Variants in KCNIP4 observed in about 807,000 individuals in gnomAD.
KCNIP4 encodes the protein potassium voltage-gated channel interacting protein 4.
In KCNIP4, 12 loss-of-function variants were observed where a neutral mutation model predicts 34.0. The observed-to-expected ratio is 0.35, with a 90% CI of 0.23 to 0.57. KCNIP4 has a LOEUF of 0.57. Ranked by LOEUF, KCNIP4 falls within the 20% of genes least tolerant of loss-of-function variation. KCNIP4 has a pLI of 0.83. For missense variants in KCNIP4, 238 were observed against 311.7 expected (o/e 0.76, Z 1.78); for synonymous variants, 124 against 102.2 (o/e 1.21, Z -1.29).
intron 1 of KCNIP4, 34 bp downstream of exon 1, chr4:21,948,537 G>A: frequency 6.2e-7 from 1 of 1,601,092 alleles, no homozygotes; most frequent in Admixed American, 1.7e-5. Context: ...GAGGGCGGAA[G>A]CGGGCGCCCG....
chr4:21,125,448 C>T (rs1394886229), intron 1 of KCNIP4, among the ~76,000 whole-genome samples: 1 of 151,996 alleles, frequency 6.6e-6, no homozygotes, highest in African/African-American at 2.4e-5. Flanking sequence ...AACTCCTGAC[C>T]TCGTGATCTG....
intron 1 of KCNIP4, among the ~76,000 whole-genome samples, chr4:21,773,870 T>C (rs77279652): frequency 0.15 from 22,381 of 151,734 alleles, 5,577 homozygotes; most frequent in African/African-American, 0.51. Context: ...TACAGTGCAC[T>C]GATGGGTCTT....
At chr4:21,443,685 C>A (rs1485882661) in intron 1 of KCNIP4, among the ~76,000 whole-genome samples, 3 of 152,048 alleles carry the variant, frequency 2.0e-5, no homozygotes, top group South Asian at 4.2e-4. Flanking sequence ...GTAACCCCAC[C>A]ACACTGGGAG....
chr4:21,505,901 A>G (rs894330922), intron 1 of KCNIP4, among the ~76,000 whole-genome samples: 2 of 152,108 alleles, frequency 1.3e-5, no homozygotes, highest in African/African-American at 4.8e-5. Context: ...TCAGGAGTTC[A>G]AGGCCAGCCT....
intron 1 of KCNIP4, among the ~76,000 whole-genome samples, chr4:21,257,130 C>T (rs1483231834): frequency 1.3e-5 from 2 of 151,998 alleles, no homozygotes; most frequent in Non-Finnish European, 2.9e-5. Context: ...AAATTTGGTG[C>T]TTGAGCACTT....
At chr4:21,541,241 T>G (rs1737668934) in intron 1 of KCNIP4, among the ~76,000 whole-genome samples, 2 of 149,486 alleles carry the variant, frequency 1.3e-5, no homozygotes, top group Non-Finnish European at 3.0e-5. Flanking sequence ...TCCTAAGACA[T>G]CTCTCATCCA....
chr4:20,855,921 A>G (rs573848754), intron 2 of KCNIP4, among the ~76,000 whole-genome samples: 5 of 152,318 alleles, frequency 3.3e-5, no homozygotes, highest in African/African-American at 1.2e-4. Context: ...TTGATGGGAA[A>G]GTAAGTAGTT....
At chr4:21,560,819 C>T (rs1321614571) in intron 1 of KCNIP4, among the ~76,000 whole-genome samples, 2 of 151,998 alleles carry the variant, frequency 1.3e-5, no homozygotes, top group Non-Finnish European at 2.9e-5. Context: ...ACTTTAATTT[C>T]TGTAACCCTC....
At chr4:21,882,527 A>G (rs1255663704) in intron 1 of KCNIP4, among the ~76,000 whole-genome samples, 1 of 152,182 alleles carries the variant, frequency 6.6e-6, no homozygotes, top group Non-Finnish European at 1.5e-5. Flanking sequence ...AAAGGAGAAG[A>G]ATTTCTGGAG....
intron 3 of KCNIP4, among the ~76,000 whole-genome samples, chr4:20,850,145 C>T (rs1341398494): frequency 6.6e-6 from 1 of 152,180 alleles, no homozygotes; most frequent in Non-Finnish European, 1.5e-5. Context: ...AGTAATTATC[C>T]TCCAATTCCA....
At chr4:21,237,426 C>T (rs888865427) in intron 1 of KCNIP4, among the ~76,000 whole-genome samples, 12 of 152,072 alleles carry the variant, frequency 7.9e-5, no homozygotes, top group Non-Finnish European at 1.6e-4. Flanking sequence ...AGTCTCTTAG[C>T]GTAAAGACAA....
At position 21,759,093 on chromosome 4, in the gene KCNIP4, T is replaced by C. The variant is rs985786115; in HGVS notation, c.61+189478A>G. ...TCATGAATTACTACTCACAGGCTCA[T>C]AGACCACTGTGAGAGAAAAGATCAT... On this transcript the variant is annotated intron_variant, in intron 1 of 8. Transcript: ENST00000382152. 7.2e-5 allele frequency among the ~76,000 whole-genome samples: 11 copies of C among 152,172 alleles called. No homozygotes were observed. The East Asian group carries it at 1.5e-3, about 21-fold the overall frequency.
chr4:21,097,947 G>T (rs1747607409), intron 1 of KCNIP4, among the ~76,000 whole-genome samples: 1 of 152,104 alleles, frequency 6.6e-6, no homozygotes, highest in Admixed American at 6.6e-5. Context: ...TGAATGCAAA[G>T]GAAGAGTTCT....
intron 1 of KCNIP4, among the ~76,000 whole-genome samples, chr4:21,367,300 G>A (rs1298554473): frequency 6.6e-6 from 1 of 152,162 alleles, no homozygotes; most frequent in African/African-American, 2.4e-5. Flanking sequence ...GACTGGGAAA[G>A]TAGATACATA....
rs28508020 is a variant in KCNIP4, at chr4:21,306,243, T to C, written c.62-423534A>G. On this transcript the variant is annotated intron_variant, in intron 1 of 8. Coordinates refer to ENST00000382152, the MANE Select transcript of KCNIP4 (RefSeq NM_025221.6). ...AAGCTTCAAATTCTGATGTGTTTAA[T>C]GCAAAACCCATTACTTCATCCCATT... Among the ~76,000 whole-genome samples, 1,436 of 152,336 alleles carry C rather than the reference T, an allele frequency of 9.4e-3. 20 individuals are homozygous for C. The highest frequency in any genetic ancestry group is 0.032 in the African/African-American group (1,348 of 41,576).
intron 1 of KCNIP4, among the ~76,000 whole-genome samples, chr4:21,481,597 C>T: frequency 6.6e-6 from 1 of 152,074 alleles, no homozygotes; most frequent in East Asian, 1.9e-4. Context: ...TAAAAATGTG[C>T]TTAATGGGGT....
chr4:21,006,209 C>T (rs908122412), intron 1 of KCNIP4, among the ~76,000 whole-genome samples: 1 of 152,088 alleles, frequency 6.6e-6, no homozygotes, highest in Non-Finnish European at 1.5e-5. Flanking sequence ...CCTTAAGAAA[C>T]CTGCATGCAG....
At chr4:21,359,044 G>A (rs1441507368) in intron 1 of KCNIP4, among the ~76,000 whole-genome samples, 2 of 152,102 alleles carry the variant, frequency 1.3e-5, no homozygotes, top group Non-Finnish European at 2.9e-5. Context: ...TGTCATGGCT[G>A]TGTGTCCTTA....
intron 1 of KCNIP4, among the ~76,000 whole-genome samples, chr4:21,045,870 T>C (rs1245217709): frequency 2.0e-5 from 3 of 152,234 alleles, no homozygotes; most frequent in Non-Finnish European, 2.9e-5. Flanking sequence ...TGAAATATTC[T>C]GGAAATGAAT....
Sources: gnomAD v4.1 joint callset for allele counts (sites outside exome capture counted in the v4.1 genomes callset) on GRCh38, gnomAD v4.1.1 for gene constraint, MANE v1.5 for transcripts, NCBI Gene and HGNC (gene_info 2026-07-23, HGNC 2026-07-21) for gene names.